The following DIP2C variants were observed in gnomAD, a reference collection of about 807,000 sequenced individuals.
DIP2C encodes the protein DIP2 acetate--CoA ligase C (putative), also known as disco-interacting protein 2 homolog C.
A neutral mutation model predicts 192.4 loss-of-function variants in DIP2C; 33 were observed. The observed-to-expected ratio is 0.17, with a 90% CI of 0.13 to 0.23. The LOEUF is 0.23. Among genes scored for constraint, DIP2C ranks in the 10% least tolerant of loss-of-function variants. The pLI, the probability that DIP2C is intolerant of heterozygous loss-of-function variation, is 1.00. For synonymous variants in DIP2C, 979 were observed against 864.1 expected, an observed-to-expected ratio of 1.13 and a Z score of -2.33; for missense variants, 1,537 against 2,110.1, an observed-to-expected ratio of 0.73 and a Z score of 5.32.
chr10:362,696 A>G lies in DIP2C; in HGVS notation c.2593-5T>C, dbSNP rs374562509. 3.1e-6 allele frequency: 5 copies of G among 1,596,614 alleles called. No individual in the cohort carries two copies. The Admixed American group carries it at 7.0e-5, about 22-fold the overall frequency. On this transcript the variant is annotated splice_polypyrimidine_tract_variant and splice_region_variant and intron_variant, in intron 21 of 36. Coordinates refer to ENST00000280886, the MANE Select transcript of DIP2C (RefSeq NM_014974.3). The stretch of plus-strand genomic sequence containing the variant: ...TTGATGTATACTGTCAATCGCCTAG[A>G]AAGTTAATAAAGAGGAAATCATGTT...
intron 8 of DIP2C, among the ~76,000 whole-genome samples, chr10:411,396 T>G (rs1369012820): frequency 6.6e-6 from 1 of 152,192 alleles, no homozygotes; most frequent in African/African-American, 2.4e-5. Flanking sequence ...TAGTCTAAAG[T>G]GGAAAACAGA....
intron 1 of DIP2C, among the ~76,000 whole-genome samples, chr10:612,269 G>T (rs1238863213): frequency 1.3e-5 from 2 of 150,868 alleles, no homozygotes; most frequent in Non-Finnish European, 2.9e-5. Flanking sequence ...TCCAGCCTGG[G>T]CAACACAGCA....
intron 4 of DIP2C, among the ~76,000 whole-genome samples, chr10:436,122 C>T (rs1589792635): frequency 6.6e-6 from 1 of 152,180 alleles, no homozygotes; most frequent in African/African-American, 2.4e-5. Context: ...AGACCGGGCG[C>T]ACTTCATGTA....
chr10:680,055 CT>C (rs1831076000), intron 1 of DIP2C, among the ~76,000 whole-genome samples: 1 of 152,108 alleles, frequency 6.6e-6, no homozygotes, highest in Non-Finnish European at 1.5e-5. Context: ...GATGGGCTTG[CT>C]TACCCTGGAC....
chr10:580,845 A>G (rs1236095760), intron 1 of DIP2C, among the ~76,000 whole-genome samples: 2 of 152,270 alleles, frequency 1.3e-5, no homozygotes, highest in Admixed American at 1.3e-4. Context: ...ACTTTCTGTC[A>G]GAGCTCTGGC....
At chr10:430,227 T>C (rs926368183) in intron 4 of DIP2C, 14 of 152,228 alleles carry the variant, frequency 9.2e-5, no homozygotes, top group African/African-American at 3.4e-4. Flanking sequence ...ATTTTTTACT[T>C]ATTCATTTTT....
At chr10:340,439 T>C (rs1263861197) in intron 29 of DIP2C, among the ~76,000 whole-genome samples, 1 of 152,166 alleles carries the variant, frequency 6.6e-6, no homozygotes, top group African/African-American at 2.4e-5. Flanking sequence ...CGGGTGTTTA[T>C]TACTGGACAT....
At chr10:416,761 C>T (rs569725232) in intron 6 of DIP2C, among the ~76,000 whole-genome samples, 47 of 152,248 alleles carry the variant, frequency 3.1e-4, no homozygotes, top group Middle Eastern at 3.4e-3. Flanking sequence ...ACAACTAGAT[C>T]AAAAGCGTCC....
chr10:560,513 G>C (rs1351286714), intron 1 of DIP2C, among the ~76,000 whole-genome samples: 1 of 152,214 alleles, frequency 6.6e-6, no homozygotes. Context: ...ACGTGAATCA[G>C]TTCTCCCAAG....
intron 32 of DIP2C, among the ~76,000 whole-genome samples, chr10:309,632 C>T (rs142545087): frequency 0.013 from 1,931 of 151,198 alleles, 35 homozygotes; most frequent in African/African-American, 0.045. Context: ...AATCTCAGCT[C>T]ACTGTAACCT....
chr10:311,873 C>T (rs1339078697), intron 31 of DIP2C, among the ~76,000 whole-genome samples: 1 of 152,162 alleles, frequency 6.6e-6, no homozygotes, highest in African/African-American at 2.4e-5. Flanking sequence ...CGCAGGGACA[C>T]AGAAGGTAAA....
intron 1 of DIP2C, among the ~76,000 whole-genome samples, chr10:520,687 C>T (rs987308572): frequency 3.3e-5 from 5 of 152,224 alleles, no homozygotes; most frequent in Non-Finnish European, 7.3e-5. Flanking sequence ...CCCAGGATCT[C>T]GTCTTCTGCT....
At chr10:357,694 G>T in intron 23 of DIP2C, 134 bp downstream of exon 23, 1 of 637,276 alleles carries the variant, frequency 1.6e-6, no homozygotes, top group Non-Finnish European at 2.7e-6. Flanking sequence ...GGACGGTTGC[G>T]GACAGTCAGA....
intron 2 of DIP2C, among the ~76,000 whole-genome samples, chr10:481,873 C>T (rs1843638274): frequency 1.3e-5 from 2 of 152,224 alleles, no homozygotes; most frequent in South Asian, 2.1e-4. Flanking sequence ...CTCCGTGCCG[C>T]ACCCACACAT....
intron 1 of DIP2C, among the ~76,000 whole-genome samples, chr10:546,405 G>GCTTCT (rs1848289734): frequency 1.3e-5 from 2 of 152,180 alleles, no homozygotes; most frequent in Non-Finnish European, 2.9e-5. Context: ...AGTTTGTGCT[G>GCTTCT]CTGTGAGAAC....
chr10:547,567 G>C (rs933104259), intron 1 of DIP2C, among the ~76,000 whole-genome samples: 1 of 152,120 alleles, frequency 6.6e-6, no homozygotes, highest in African/African-American at 2.4e-5. Flanking sequence ...GGAGGGTGGA[G>C]AAAAAGGGGC....
intron 24 of DIP2C, among the ~76,000 whole-genome samples, chr10:350,810 C>T (rs529319611): frequency 6.6e-6 from 1 of 152,154 alleles, no homozygotes; most frequent in Admixed American, 6.5e-5. Context: ...ACACGCCCAA[C>T]TAATTTTTGT....
chr10:588,280 C>G (rs1851197729), intron 1 of DIP2C, among the ~76,000 whole-genome samples: 3 of 152,252 alleles, frequency 2.0e-5, no homozygotes, highest in Admixed American at 6.5e-5. Flanking sequence ...TCCGGAAACC[C>G]CACATCCACA....
intron 4 of DIP2C, among the ~76,000 whole-genome samples, chr10:423,293 C>G (rs984279578): frequency 1.3e-5 from 2 of 152,162 alleles, no homozygotes; most frequent in Non-Finnish European, 1.5e-5. Context: ...ACACACTGAC[C>G]CATTTCCTCT....
Sources: gnomAD v4.1 joint callset for allele counts (sites outside exome capture counted in the v4.1 genomes callset) on GRCh38, gnomAD v4.1.1 for gene constraint, MANE v1.5 for transcripts, NCBI Gene and HGNC (gene_info 2026-07-23, HGNC 2026-07-21) for gene names.